KDM3B: variants seen among roughly 807,000 people sequenced by gnomAD.
The protein encoded by KDM3B is lysine demethylase 3B, also known as lysine-specific demethylase 3B.
KDM3B carries 10 observed loss-of-function variants against 170.0 expected under a neutral mutation model. That is an observed-to-expected ratio of 0.06 (90% CI 0.04 to 0.10). The LOEUF (loss-of-function observed/expected upper bound fraction) is 0.10. Among genes scored for constraint, KDM3B ranks in the 10% least tolerant of loss-of-function variants. KDM3B has a pLI of 1.00. For synonymous variants in KDM3B, 831 were observed against 834.8 expected (o/e 1.00, Z 0.08); for missense variants, 1,394 against 2,195.2 (o/e 0.64, Z 7.29).
At chr5:138,392,320 G>A (rs192111478) in intron 8 of KDM3B, 59 bp downstream of exon 8, 191 of 1,425,854 alleles carry the variant, frequency 1.3e-4, no homozygotes, top group African/African-American at 8.1e-4. Flanking sequence ...AATGCCTGTC[G>A]TGTTCTTGTG....
intron 5 of KDM3B, among the ~76,000 whole-genome samples, chr5:138,381,030 A>G (rs368645759): frequency 1.3e-5 from 2 of 151,828 alleles, no homozygotes; most frequent in East Asian, 3.9e-4. Context: ...ACGCCACCAC[A>G]CCCAGCTAAT....
chr5:138,418,680 C>T (rs1230808406), intron 13 of KDM3B, among the ~76,000 whole-genome samples: 1 of 152,190 alleles, frequency 6.6e-6, no homozygotes, highest in Non-Finnish European at 1.5e-5. Context: ...ATTTAAATTA[C>T]CAATTCACCA....
chr5:138,386,629 A>T lies in KDM3B; in HGVS notation c.1380+8A>T, dbSNP rs1242827183. On this transcript the variant is annotated splice_region_variant and intron_variant, in intron 7 of 23. Transcript: ENST00000314358. The stretch of plus-strand genomic sequence containing the variant: ...TCGCAGGCCTCGGGAGAGGTGAGTT[A>T]CTTCAGGGGCAGATTTGCAAGATTT... The T allele has an allele frequency of 1.2e-6, 2 of 1,604,090 alleles. No homozygotes were observed. Among genetic ancestry groups the T allele is most frequent in the South Asian group, 2.2e-5 (2 of 90,658 alleles).
In KDM3B at chr5:138,391,891, G is replaced by A; in HGVS notation, c.2259G>A (p.Gly753=). Residue 753 remains glycine (G), a synonymous_variant, in exon 8 of 24, where the codon GGG becomes GGA. Transcript: ENST00000314358. The surrounding 1 kb of genome is among the most constrained non-coding windows in gnomAD (Gnocchi z 5.0). ...CCACAGAGGAGAGGCCAACTGTGGGGCCTGGGCAGCAGGACAATCCCCTCC... is the reference window on the plus strand; with the variant it reads ...CCACAGAGGAGAGGCCAACTGTGGGACCTGGGCAGCAGGACAATCCCCTCC... The part of the protein sequence containing the change: ...SSPTEERPTV[G]PGQQDNPLLK... The A allele has an allele frequency of 6.2e-7, 1 of 1,613,966 alleles. No individual in the cohort carries two copies. The highest frequency in any genetic ancestry group is 8.5e-7 in the Non-Finnish European group (1 of 1,179,892).
In KDM3B at chr5:138,359,827, AT is replaced by A. The variant is rs566991491; in HGVS notation, c.192+6849del. 2.4e-4 allele frequency among the ~76,000 whole-genome samples: 36 copies of A among 151,094 alleles called. No individual in the cohort carries two copies. The South Asian group carries it at 5.2e-3, about 22-fold the overall frequency. On this transcript the variant is annotated intron_variant, in intron 1 of 23. Coordinates refer to ENST00000314358, the MANE Select transcript of KDM3B (RefSeq NM_016604.4). ...AGAGAAGTGAAAGCATATCCGCCCTATTTTTTTTTATCCCTTAATCTTTCAT... is the reference window on the plus strand; with the variant it reads ...AGAGAAGTGAAAGCATATCCGCCCTATTTTTTTTATCCCTTAATCTTTCAT...
At chr5:138,374,507 C>T (rs1343468001) in intron 2 of KDM3B, among the ~76,000 whole-genome samples, 3 of 152,210 alleles carry the variant, frequency 2.0e-5, no homozygotes, top group East Asian at 3.9e-4. Flanking sequence ...ATCCACCCGC[C>T]TCGGCCTCCC....
chr5:138,395,972 T>C (rs868855689), intron 9 of KDM3B, among the ~76,000 whole-genome samples: 10 of 152,126 alleles, frequency 6.6e-5, no homozygotes, highest in Non-Finnish European at 1.3e-4. Flanking sequence ...ATGTTACATA[T>C]GGACTAGAAG....
chr5:138,434,973 G>A (rs1023559464), intron 23 of KDM3B, among the ~76,000 whole-genome samples: 16 of 152,012 alleles, frequency 1.1e-4, no homozygotes, highest in Admixed American at 5.9e-4. Flanking sequence ...GCATTTCCCC[G>A]CTTTTCCTCC....
In KDM3B at chr5:138,375,185, C is replaced by T; in HGVS notation, c.453C>T (p.Ala151=). The change falls in exon 3 of 24, where the codon GCC becomes GCT. Residue 151 remains alanine (A), a synonymous_variant. Transcript: ENST00000314358. ...GAGAGCTTCGGTTCCTGTCAGATGC[C>T]AATGGGTTGCATCTGTTTCAGGTAT... is the stretch of plus-strand genomic sequence containing the variant. ...LDRELRFLSD[A]NGLHLFQMGT... 1 of 1,609,212 alleles carries T rather than the reference C, an allele frequency of 6.2e-7. No homozygotes were observed. Among genetic ancestry groups the T allele is most frequent in the Non-Finnish European group, 8.5e-7 (1 of 1,175,688 alleles).
At chr5:138,367,981 C>A (rs1761783896) in intron 1 of KDM3B, among the ~76,000 whole-genome samples, 1 of 151,700 alleles carries the variant, frequency 6.6e-6, no homozygotes, top group Non-Finnish European at 1.5e-5. Flanking sequence ...CCACTGCACT[C>A]CAGCCTGGGC....
In KDM3B at chr5:138,430,239, A is replaced by G; in HGVS notation, c.4894-10A>G. 6.2e-7 allele frequency: 1 copy of G among 1,609,726 alleles called. No homozygotes were observed. Among genetic ancestry groups the G allele is most frequent in the Non-Finnish European group, 8.5e-7 (1 of 1,177,050 alleles). The stretch of plus-strand genomic sequence containing the variant: ...AATTTTCCCATCTTTGGATTTGATT[A>G]TGGCTTCAGGTTGGAGAAGAACAAG... On this transcript the variant is annotated splice_polypyrimidine_tract_variant and intron_variant, in intron 21 of 23. Transcript: ENST00000314358.
intron 1 of KDM3B, among the ~76,000 whole-genome samples, chr5:138,361,328 G>A (rs1410908114): frequency 7.9e-6 from 1 of 127,260 alleles, no homozygotes; most frequent in Non-Finnish European, 1.6e-5. Flanking sequence ...GTTTTCTAAG[G>A]GCTGAAACTC....
chr5:138,360,522 TTGTGTGTGTG>T (rs55976818), intron 1 of KDM3B, among the ~76,000 whole-genome samples: 15 of 137,960 alleles, frequency 1.1e-4, no homozygotes, highest in South Asian at 2.3e-4. Flanking sequence ...TAAAAAAAGA[TTGTGTGTGTG>T]TGTGTGTGTG....
At chr5:138,401,520 T>C (rs1762694181) in intron 11 of KDM3B, among the ~76,000 whole-genome samples, 1 of 152,216 alleles carries the variant, frequency 6.6e-6, no homozygotes, top group Admixed American at 6.5e-5. Flanking sequence ...TATTCACCAG[T>C]TGATGGACTT....
At chr5:138,377,645 A>G (rs1269890451) in intron 3 of KDM3B, 75 bp from the exon 4 acceptor site, 2 of 1,040,206 alleles carry the variant, frequency 1.9e-6, no homozygotes, top group East Asian at 4.9e-5. Flanking sequence ...TCCTTAGGAT[A>G]TGATTTTTCT....
intron 10 of KDM3B, 75 bp from the exon 11 acceptor site, chr5:138,399,785 A>G: frequency 7.3e-7 from 1 of 1,363,798 alleles, no homozygotes; most frequent in East Asian, 2.3e-5. Flanking sequence ...TAGCTTGAGT[A>G]GGGATCAGTG....
At chr5:138,421,181 T>G (rs1399084823) in intron 15 of KDM3B, among the ~76,000 whole-genome samples, 2 of 152,236 alleles carry the variant, frequency 1.3e-5, no homozygotes, top group African/African-American at 2.4e-5. Flanking sequence ...GTTTCGGTCA[T>G]CAGCAGAAAA....
At chr5:138,429,050 G>T (rs1406379974) in intron 20 of KDM3B, among the ~76,000 whole-genome samples, 3 of 148,256 alleles carry the variant, frequency 2.0e-5, no homozygotes, top group Non-Finnish European at 4.4e-5. Context: ...CCAAGTTACT[G>T]GGCCTACAGG....
rs772148737 is a variant in KDM3B, at chr5:138,429,858, G to A, written c.4786G>A (p.Asp1596Asn). 4 of 1,614,116 alleles carry A rather than the reference G, an allele frequency of 2.5e-6. No individual in the cohort carries two copies. Among genetic ancestry groups the A allele is most frequent in the Non-Finnish European group, 3.4e-6 (4 of 1,179,972 alleles). Residue 1596 changes from aspartate (D) to asparagine (N), a missense_variant, in exon 21 of 24, where the codon GAT becomes AAT. By Grantham distance (23) the Asp-to-Asn change is conservative (BLOSUM62 1). This residue lies in a region of KDM3B where 79 missense variants were observed against 270.5 expected (regional missense o/e 0.29). Transcript: ENST00000314358. ...VLKTIDEGDA[D>N]EVTKQRIHDG... ...CAAGACAATTGACGAGGGAGATGCC[G>A]ATGAGGTGACGAAGCAGAGGATTCA...
Sources: gnomAD v4.1 joint callset for allele counts (sites outside exome capture counted in the v4.1 genomes callset) on GRCh38, gnomAD v4.1.1 for gene constraint, gnomAD v4.1.1 regional missense constraint, Gnocchi (gnomAD v3.1) non-coding constraint, MANE v1.5 for transcripts, NCBI Gene and HGNC (gene_info 2026-07-23, HGNC 2026-07-21) for gene names.